Variants in USP9X observed in about 807,000 individuals in gnomAD.
USP9X encodes the protein ubiquitin carboxyl-terminal hydrolase 9X.
In USP9X, 7 loss-of-function variants were observed where a neutral mutation model predicts 190.3. That is an observed-to-expected ratio of 0.04 (90% confidence interval 0.02 to 0.07). The LOEUF is 0.07. Among genes scored for constraint, USP9X ranks in the 10% least tolerant of loss-of-function variants. The pLI, the probability that USP9X is intolerant of heterozygous loss-of-function variation, is 1.00. For missense variants in USP9X, 1,010 were observed against 1,916.9 expected (o/e 0.53, Z 8.83); for synonymous variants, 645 against 659.5 (o/e 0.98, Z 0.34).
chrX:41,234,750 G>A lies in USP9X; in HGVS notation c.*2226G>A, dbSNP rs1013637813. Reference sequence around the variant, plus strand: ...TAATTTTTGTATTTTTGTAGAGACAGGGTTTCACCACGTTGGCCAGGCTGG... The same window carrying A: ...TAATTTTTGTATTTTTGTAGAGACAAGGTTTCACCACGTTGGCCAGGCTGG... On this transcript the variant is annotated 3_prime_UTR_variant, in exon 45 of 45. Coordinates refer to ENST00000378308, the MANE Select transcript of USP9X (RefSeq NM_001039591.3). The A allele has an allele frequency of 1.2e-4, 13 of 111,305 alleles. No individual in the cohort carries two copies. Among genetic ancestry groups the A allele is most frequent in the African/African-American group, 4.3e-4 (13 of 30,552 alleles). 9.2% of individuals were successfully genotyped at this position (111,305 alleles called of 1,213,427 possible).
chrX:41,145,690 A>G (rs1799214386), intron 11 of USP9X, among the ~76,000 whole-genome samples: 1 of 111,993 alleles, frequency 8.9e-6, no homozygotes. Context: ...TTACCTGGGT[A>G]CTAGTTACAC....
intron 32 of USP9X, among the ~76,000 whole-genome samples, chrX:41,208,285 A>G (rs2063123912): frequency 8.9e-6 from 1 of 112,115 alleles, no homozygotes; most frequent in African/African-American, 3.2e-5. Flanking sequence ...TCAGCCTCCC[A>G]AAGTGCTGGG....
At chrX:41,101,233 T>A (rs2062031597) in intron 1 of USP9X, among the ~76,000 whole-genome samples, 1 of 110,598 alleles carries the variant, frequency 9.0e-6, no homozygotes, top group South Asian at 3.8e-4. Context: ...GCCCTTCCGG[T>A]GTTAATTTGA....
chrX:41,195,879 G>A (rs952926151), intron 26 of USP9X: 15 of 337,051 alleles, frequency 4.5e-5, no homozygotes, highest in Admixed American at 4.1e-4. Flanking sequence ...CCACAGAGCT[G>A]TTGTGCAGAA....
chrX:41,105,246 G>A (rs771635680), intron 1 of USP9X, among the ~76,000 whole-genome samples: 1 of 111,375 alleles, frequency 9.0e-6, no homozygotes, highest in African/African-American at 3.3e-5. Context: ...GTGGTGATGA[G>A]CATCTGGTTC....
chrX:41,131,897 A>C (rs1289640738), intron 4 of USP9X, among the ~76,000 whole-genome samples: 2 of 111,662 alleles, frequency 1.8e-5, no homozygotes, highest in Non-Finnish European at 3.8e-5. Flanking sequence ...GATGGACTCC[A>C]GACATATCTG....
chrX:41,215,834 G>T (rs2063207021), intron 34 of USP9X, 65 bp from the exon 35 acceptor site: 2 of 1,030,342 alleles, frequency 1.9e-6, no homozygotes. Context: ...AGTTTGCTTG[G>T]GGTTTTTTTT....
intron 1 of USP9X, among the ~76,000 whole-genome samples, chrX:41,102,784 A>C (rs2146940187): frequency 1.0e-5 from 1 of 96,913 alleles, no homozygotes; most frequent in Admixed American, 1.1e-4. Flanking sequence ...GTTAACAGAT[A>C]ACTTTGAGTT....
chrX:41,184,913 A>G (rs1234763835), intron 23 of USP9X, among the ~76,000 whole-genome samples: 1 of 111,900 alleles, frequency 8.9e-6, no homozygotes, highest in Admixed American at 9.5e-5. Context: ...TTTATTTTAA[A>G]CCTAACAAAA....
intron 36 of USP9X, 133 bp downstream of exon 36, chrX:41,217,476 A>ATGATTT: frequency 2.7e-6 from 2 of 730,083 alleles, no homozygotes; most frequent in East Asian, 7.2e-5. Context: ...TCTGGGTCAC[A>ATGATTT]ATAGAGAAAT....
chrX:41,178,169 C>T (rs1371878875), intron 21 of USP9X, among the ~76,000 whole-genome samples: 2 of 81,777 alleles, frequency 2.4e-5, no homozygotes, highest in African/African-American at 1.0e-4. Flanking sequence ...GGCGTGATTT[C>T]GGCTCACTGC....
At chrX:41,122,426 A>G (rs1053429357) in intron 1 of USP9X, among the ~76,000 whole-genome samples, 5 of 112,320 alleles carry the variant, frequency 4.5e-5, no homozygotes, top group African/African-American at 1.6e-4. Context: ...ATCACTTTGT[A>G]CTTTGTCTAA....
chrX:41,142,736 A>C (rs1250915257), intron 9 of USP9X, among the ~76,000 whole-genome samples: 1 of 111,955 alleles, frequency 8.9e-6, no homozygotes, highest in East Asian at 2.8e-4. Context: ...GTGTTACAGA[A>C]AAACAGACTG....
intron 31 of USP9X, among the ~76,000 whole-genome samples, chrX:41,204,542 C>T (rs749457913): frequency 9.3e-6 from 1 of 107,769 alleles, no homozygotes; most frequent in Non-Finnish European, 1.9e-5. Context: ...GTGGATTATC[C>T]AGTTTACCCA....
In USP9X at chrX:41,233,896, CAG is replaced by C. The variant is rs1364454425; in HGVS notation, c.*1374_*1375del. 8.9e-6 allele frequency: 1 copy of C among 111,804 alleles called. No individual in the cohort carries two copies. The highest frequency in any genetic ancestry group is 9.6e-5 in the Admixed American group (1 of 10,425). The allele number at this position is 111,804 out of a possible 1,213,427, so 9.2% of individuals were successfully genotyped here. A position where few individuals can be genotyped will look rare whatever the true frequency, so the allele number is the denominator to read the frequency against. ...TCTAAAAACCAAATACCCCTGCAAA[CAG>C]ATACAGCCCACCCTATTCTATTTAA... On this transcript the variant is annotated 3_prime_UTR_variant, in exon 45 of 45. Transcript: ENST00000378308.
At chrX:41,170,390 G>A in intron 19 of USP9X, 80 bp from the exon 20 acceptor site, 1 of 1,106,205 alleles carries the variant, frequency 9.0e-7, no homozygotes, top group Non-Finnish European at 1.2e-6. Context: ...CGGATTTTTT[G>A]GTTGGTATAT....
chrX:41,156,871 G>C (rs372069418), intron 14 of USP9X, among the ~76,000 whole-genome samples: 3 of 111,458 alleles, frequency 2.7e-5, no homozygotes, highest in East Asian at 2.8e-4. Context: ...GAGTGCTTGT[G>C]GCTCCCTTAT....
At chrX:41,213,176 A>G (rs1435748023) in intron 33 of USP9X, among the ~76,000 whole-genome samples, 1 of 111,550 alleles carries the variant, frequency 9.0e-6, no homozygotes, top group African/African-American at 3.3e-5. Flanking sequence ...GGACTCCTGT[A>G]GTCCCAGCTG....
chrX:41,100,031 T>C (rs1046517641), intron 1 of USP9X, among the ~76,000 whole-genome samples: 2 of 112,316 alleles, frequency 1.8e-5, no homozygotes, highest in Admixed American at 1.9e-4. Flanking sequence ...TAGTCTTTTT[T>C]ACCTACCCCC....
Sources: gnomAD v4.1 joint callset for allele counts (sites outside exome capture counted in the v4.1 genomes callset) on GRCh38, gnomAD v4.1.1 for gene constraint, MANE v1.5 for transcripts, NCBI Gene and HGNC (gene_info 2026-07-23, HGNC 2026-07-21) for gene names.